The following SPAG16 variants were observed in gnomAD, a reference collection of about 807,000 sequenced individuals.
SPAG16 encodes sperm associated antigen 16.
A neutral mutation model predicts 80.4 loss-of-function variants in SPAG16; 86 were observed. The ratio of observed to expected loss-of-function variants is 1.07; its 90% CI spans 0.90 to 1.28. SPAG16 has a LOEUF of 1.28. Ranked by LOEUF, SPAG16 falls within the 50% of genes most tolerant of loss-of-function variation. SPAG16 has a pLI of 0.00. For missense variants in SPAG16, 870 were observed against 765.3 expected (o/e 1.14, Z -1.61); for synonymous variants, 294 against 265.9 (o/e 1.11, Z -1.03).
At chr2:213,918,811 A>T (rs115141252) in intron 11 of SPAG16, among the ~76,000 whole-genome samples, 3 of 151,644 alleles carry the variant, frequency 2.0e-5, no homozygotes, top group African/African-American at 7.3e-5. Flanking sequence ...TTTGTAACTC[A>T]TTTTTTTTGT....
chr2:214,191,920 C>G (rs1055120466), intron 15 of SPAG16, among the ~76,000 whole-genome samples: 2 of 151,632 alleles, frequency 1.3e-5, no homozygotes, highest in Admixed American at 1.3e-4. Flanking sequence ...TATGCAAATT[C>G]CTGAGCTTCA....
intron 14 of SPAG16, among the ~76,000 whole-genome samples, chr2:214,117,042 G>A (rs115411398): frequency 0.023 from 3,472 of 152,240 alleles, 95 homozygotes; most frequent in South Asian, 0.13. Flanking sequence ...TAAAGTGACA[G>A]GGATGTGTCA....
At chr2:213,804,067 A>G (rs186300772) in intron 10 of SPAG16, among the ~76,000 whole-genome samples, 2 of 152,304 alleles carry the variant, frequency 1.3e-5, no homozygotes, top group Non-Finnish European at 2.9e-5. Context: ...ATTGAATTAC[A>G]ATTTATATGA....
At chr2:213,540,446 T>A (rs2076407112) in intron 10 of SPAG16, among the ~76,000 whole-genome samples, 1 of 152,210 alleles carries the variant, frequency 6.6e-6, no homozygotes, top group Non-Finnish European at 1.5e-5. Flanking sequence ...TGGATATACA[T>A]TTATTACATA....
intron 11 of SPAG16, among the ~76,000 whole-genome samples, chr2:213,872,462 C>T (rs1182336293): frequency 1.3e-5 from 2 of 152,074 alleles, no homozygotes; most frequent in South Asian, 2.1e-4. Context: ...TTGATGAGCT[C>T]ATTTATTAAT....
At chr2:214,308,927 T>C (rs1319367392) in intron 15 of SPAG16, among the ~76,000 whole-genome samples, 1 of 152,202 alleles carries the variant, frequency 6.6e-6, no homozygotes, top group African/African-American at 2.4e-5. Flanking sequence ...ATTTAAGTGT[T>C]GCCCTGTCTA....
At chr2:213,834,968 G>T (rs2073996078) in intron 10 of SPAG16, among the ~76,000 whole-genome samples, 1 of 151,978 alleles carries the variant, frequency 6.6e-6, no homozygotes, top group Admixed American at 6.6e-5. Context: ...TTCTTTTATT[G>T]GGTAACATTT....
intron 9 of SPAG16, among the ~76,000 whole-genome samples, chr2:213,431,680 T>G (rs191457528): frequency 6.6e-6 from 1 of 152,104 alleles, no homozygotes; most frequent in East Asian, 1.9e-4. Context: ...ACGGACACAC[T>G]ATAAAGATTA....
At chr2:214,361,691 C>G (rs1699194547) in intron 15 of SPAG16, among the ~76,000 whole-genome samples, 1 of 151,786 alleles carries the variant, frequency 6.6e-6, no homozygotes, top group Non-Finnish European at 1.5e-5. Flanking sequence ...AAATAAAATT[C>G]TACTTATCAG....
At chr2:213,852,675 G>T (rs1312936756) in intron 10 of SPAG16, among the ~76,000 whole-genome samples, 1 of 151,996 alleles carries the variant, frequency 6.6e-6, no homozygotes. Context: ...TTCAATGTGG[G>T]CTCCCCTGAC....
chr2:214,275,359 TG>T (rs1423370213), intron 15 of SPAG16, among the ~76,000 whole-genome samples: 2 of 152,190 alleles, frequency 1.3e-5, no homozygotes, highest in African/African-American at 4.8e-5. Context: ...TGTTTGGCCT[TG>T]CTTCTCTAGT....
At chr2:213,912,973 C>T (rs2106174224) in intron 11 of SPAG16, among the ~76,000 whole-genome samples, 1 of 152,188 alleles carries the variant, frequency 6.6e-6, no homozygotes, top group South Asian at 2.1e-4. Flanking sequence ...GACCCATTCC[C>T]CTACTTAGCA....
In SPAG16 at chr2:213,311,216, T is replaced by G. The variant is rs186951212; in HGVS notation, c.398+1039T>G. 5.7e-3 allele frequency among the ~76,000 whole-genome samples: 866 copies of G among 151,812 alleles called. 12 individuals carry two copies. Among genetic ancestry groups the G allele is most frequent in the African/African-American group, 0.02 (819 of 41,534 alleles). On this transcript the variant is annotated intron_variant, in intron 4 of 15. Coordinates refer to ENST00000331683, the MANE Select transcript of SPAG16 (RefSeq NM_024532.5). Reference sequence around the variant, plus strand: ...TTAAATTTGGAAATAGTGTGAATTATTTAAAATAATTTTTTATAAAAATAT... The same window carrying G: ...TTAAATTTGGAAATAGTGTGAATTAGTTAAAATAATTTTTTATAAAAATAT...
At chr2:213,607,976 A>T (rs2125004720) in intron 10 of SPAG16, among the ~76,000 whole-genome samples, 1 of 152,284 alleles carries the variant, frequency 6.6e-6, no homozygotes, top group South Asian at 2.1e-4. Context: ...AAAGTACTAA[A>T]TTTAACTGTG....
At chr2:213,896,766 A>G (rs1330217119) in intron 11 of SPAG16, among the ~76,000 whole-genome samples, 2 of 152,030 alleles carry the variant, frequency 1.3e-5, no homozygotes, top group Non-Finnish European at 2.9e-5. Context: ...GTGGCTCATT[A>G]TGTTAAGTGA....
intron 15 of SPAG16, among the ~76,000 whole-genome samples, chr2:214,349,707 AC>A (rs1421492141): frequency 1.3e-5 from 2 of 152,240 alleles, no homozygotes; most frequent in African/African-American, 2.4e-5. Context: ...CCACCAATGC[AC>A]AAGAGTTCCA....
At position 213,612,791 on chromosome 2, in the gene SPAG16, C is replaced by A. The variant is rs2061478309; in HGVS notation, c.1070+122701C>A. On this transcript the variant is annotated intron_variant, in intron 10 of 15. Transcript: ENST00000331683. ...CTCTGCCTCCCAGGTTCAAGCGATT[C>A]TCCTGCCTTAGCCTCCCGAGTAGCT... 2.0e-5 allele frequency among the ~76,000 whole-genome samples: 3 copies of A among 152,270 alleles called. No individual in the cohort carries two copies. The South Asian group carries it at 6.2e-4, about 32-fold the overall frequency.
At chr2:213,762,156 G>C (rs888937201) in intron 10 of SPAG16, among the ~76,000 whole-genome samples, 1 of 152,152 alleles carries the variant, frequency 6.6e-6, no homozygotes, top group Middle Eastern at 3.2e-3. Flanking sequence ...GCTTAGAGTA[G>C]TCAAAACTGT....
intron 10 of SPAG16, among the ~76,000 whole-genome samples, chr2:213,784,543 T>G (rs992486735): frequency 6.6e-6 from 1 of 150,680 alleles, no homozygotes; most frequent in African/African-American, 2.4e-5. Flanking sequence ...AATACAATTT[T>G]ACTTACGATA....
Sources: gnomAD v4.1 joint callset for allele counts (sites outside exome capture counted in the v4.1 genomes callset) on GRCh38, gnomAD v4.1.1 for gene constraint, MANE v1.5 for transcripts, NCBI Gene and HGNC (gene_info 2026-07-23, HGNC 2026-07-21) for gene names.